CA10: variants seen among roughly 807,000 people sequenced by gnomAD.
The protein encoded by CA10 is carbonic anhydrase-related protein 10.
A neutral mutation model predicts 44.2 loss-of-function variants in CA10; 14 were observed. That is an observed-to-expected ratio of 0.32 (90% CI 0.21 to 0.50). The LOEUF (loss-of-function observed/expected upper bound fraction) is 0.50, where lower values mean the gene tolerates loss of function less well. Ranked by LOEUF, CA10 falls within the 20% of genes least tolerant of loss-of-function variation. CA10 has a pLI of 0.99. For synonymous variants in CA10, 159 were observed against 141.6 expected, an observed-to-expected ratio of 1.12 and a Z score of -0.87; for missense variants, 350 against 409.7, an observed-to-expected ratio of 0.85 and a Z score of 1.26.
chr17:51,636,414 G>T (rs1052723688), intron 6 of CA10, among the ~76,000 whole-genome samples: 2 of 152,164 alleles, frequency 1.3e-5, no homozygotes, highest in African/African-American at 4.8e-5. Flanking sequence ...TCCCAGAAGT[G>T]GCACACATCA....
At chr17:51,764,600 T>C (rs1013121419) in intron 3 of CA10, among the ~76,000 whole-genome samples, 3 of 152,182 alleles carry the variant, frequency 2.0e-5, no homozygotes, top group African/African-American at 7.2e-5. Flanking sequence ...ACAACTGCGG[T>C]TCCCCAAGAA....
chr17:51,983,650 C>CA (rs1984729914), intron 2 of CA10, among the ~76,000 whole-genome samples: 1 of 151,320 alleles, frequency 6.6e-6, no homozygotes, highest in African/African-American at 2.4e-5. Context: ...TATACAAAAG[C>CA]AAAACAAAAT....
intron 7 of CA10, among the ~76,000 whole-genome samples, chr17:51,634,211 C>CAG (rs1196629214): frequency 2.0e-5 from 3 of 152,226 alleles, no homozygotes; most frequent in Non-Finnish European, 4.4e-5. Flanking sequence ...AAGAGGACAA[C>CAG]AGAGAGAAAG....
intron 3 of CA10, among the ~76,000 whole-genome samples, chr17:51,758,770 G>T (rs1598030626): frequency 6.6e-6 from 1 of 152,072 alleles, no homozygotes; most frequent in African/African-American, 2.4e-5. Context: ...ATTTAAATTT[G>T]TTAATTTGTC....
rs1417761768 is a variant in CA10, at chr17:51,701,586, A to G, written c.465+46047T>C. ...GCTGGTAGGATCCCATGATACTCAC[A>G]AATGTCAGCTTCCTTCCCTCAAGTT... On this transcript the variant is annotated intron_variant, in intron 4 of 8. Transcript: ENST00000451037. Among the ~76,000 whole-genome samples, 6 of 152,304 alleles carry G rather than the reference A, an allele frequency of 3.9e-5. No homozygotes were observed. In the East Asian group the frequency reaches 1.2e-3, roughly 29 times the overall value.
chr17:51,749,824 G>T (rs926087581), intron 3 of CA10, among the ~76,000 whole-genome samples: 2 of 152,290 alleles, frequency 1.3e-5, no homozygotes, highest in African/African-American at 4.8e-5. Flanking sequence ...GGGGAACGGG[G>T]GAGGGAATGG....
chr17:52,099,920 T>G (rs537217063), intron 1 of CA10, among the ~76,000 whole-genome samples: 36 of 152,306 alleles, frequency 2.4e-4, no homozygotes, highest in African/African-American at 8.2e-4. Context: ...CCCTCTAGAT[T>G]TGGCAATACA....
chr17:52,041,378 G>A (rs778349927), intron 2 of CA10, among the ~76,000 whole-genome samples: 1 of 151,988 alleles, frequency 6.6e-6, no homozygotes, highest in Non-Finnish European at 1.5e-5. Context: ...CATATGTTCA[G>A]GAAGTAGACA....
chr17:52,062,173 T>C (rs758336663), intron 2 of CA10, among the ~76,000 whole-genome samples: 1 of 150,124 alleles, frequency 6.7e-6, no homozygotes, highest in African/African-American at 2.5e-5. Context: ...GTTCAAGTGA[T>C]TCTTATGCCC....
At chr17:51,900,154 G>C (rs960517145) in intron 3 of CA10, among the ~76,000 whole-genome samples, 2 of 152,000 alleles carry the variant, frequency 1.3e-5, no homozygotes, top group Non-Finnish European at 2.9e-5. Flanking sequence ...GTGTTCCTGT[G>C]GTGGCCCATA....
intron 3 of CA10, among the ~76,000 whole-genome samples, chr17:51,879,214 T>C (rs1196985192): frequency 1.3e-5 from 2 of 152,106 alleles, no homozygotes; most frequent in Non-Finnish European, 2.9e-5. Context: ...AGGTGGTTTC[T>C]AATTATTGTC....
chr17:52,054,069 C>A (rs1292251281), intron 2 of CA10, among the ~76,000 whole-genome samples: 2 of 152,122 alleles, frequency 1.3e-5, no homozygotes, highest in Non-Finnish European at 2.9e-5. Flanking sequence ...AGGATAACAG[C>A]AATGTTCAGG....
chr17:51,685,450 A>C (rs1477617336), intron 4 of CA10, among the ~76,000 whole-genome samples: 1 of 152,122 alleles, frequency 6.6e-6, no homozygotes, highest in Non-Finnish European at 1.5e-5. Flanking sequence ...GCCAGGTACA[A>C]CTGCTCTGTG....
At chr17:51,643,886 C>T (rs1913207847) in intron 6 of CA10, among the ~76,000 whole-genome samples, 1 of 152,348 alleles carries the variant, frequency 6.6e-6, no homozygotes, top group Non-Finnish European at 1.5e-5. Context: ...TGCCAACCAT[C>T]TCAACGTCAG....
At chr17:52,061,802 C>T (rs1200663349) in intron 2 of CA10, among the ~76,000 whole-genome samples, 1 of 152,158 alleles carries the variant, frequency 6.6e-6, no homozygotes, top group Non-Finnish European at 1.5e-5. Context: ...TAAACCTCCT[C>T]TGTTTATAAA....
At chr17:51,959,797 G>GAAAAAAAAAA (rs3062037) in intron 2 of CA10, among the ~76,000 whole-genome samples, 1 of 112,366 alleles carries the variant, frequency 8.9e-6, no homozygotes, top group Admixed American at 1.0e-4. Context: ...CTGCTAAGAT[G>GAAAAAAAAAA]AAAAAAAAAA....
chr17:51,816,052 C>A (rs1907552427), intron 3 of CA10, among the ~76,000 whole-genome samples: 1 of 152,082 alleles, frequency 6.6e-6, no homozygotes, highest in African/African-American at 2.4e-5. Flanking sequence ...TACCCATTAA[C>A]CATCTCCACC....
chr17:51,644,206 C>G (rs1393859121), intron 6 of CA10, among the ~76,000 whole-genome samples: 2 of 151,898 alleles, frequency 1.3e-5, no homozygotes, highest in African/African-American at 4.8e-5. Context: ...CATTCTGTGC[C>G]CAATCCTACA....
chr17:51,691,239 A>T (rs192168003), intron 4 of CA10, among the ~76,000 whole-genome samples: 1 of 151,910 alleles, frequency 6.6e-6, no homozygotes, highest in Non-Finnish European at 1.5e-5. Context: ...ATTCTCCAAC[A>T]CTTGTTATGT....
Sources: gnomAD v4.1 joint callset for allele counts (sites outside exome capture counted in the v4.1 genomes callset) on GRCh38, gnomAD v4.1.1 for gene constraint, MANE v1.5 for transcripts, NCBI Gene and HGNC (gene_info 2026-07-23, HGNC 2026-07-21) for gene names.